The following MARCHF8 variants were observed in gnomAD, a reference collection of about 807,000 sequenced individuals.
The protein encoded by MARCHF8 is membrane associated ring-CH-type finger 8, also known as E3 ubiquitin-protein ligase MARCHF8.
Under a neutral mutation model 51.6 loss-of-function variants are expected in MARCHF8, and 40 were observed. That is an observed-to-expected ratio of 0.77 (90% CI 0.60 to 1.01). The LOEUF is 1.01. MARCHF8 is among the 50% of genes least tolerant of loss of function. The pLI is 0.00. For missense variants in MARCHF8, 685 were observed against 708.6 expected (o/e 0.97, Z 0.38); for synonymous variants, 263 against 280.3 (o/e 0.94, Z 0.62).
chr10:45,485,186 G>C (rs920103117), intron 3 of MARCHF8, among the ~76,000 whole-genome samples: 3 of 152,072 alleles, frequency 2.0e-5, no homozygotes, highest in Non-Finnish European at 4.4e-5. Flanking sequence ...GCAGATTTAG[G>C]GGTAAACAAA....
intron 2 of MARCHF8, among the ~76,000 whole-genome samples, chr10:45,500,352 T>A (rs1461833415): frequency 6.6e-6 from 1 of 152,150 alleles, no homozygotes; most frequent in Non-Finnish European, 1.5e-5. Context: ...TTTAGGGTTT[T>A]CTATATAAAA....
upstream of MARCHF8, among the ~76,000 whole-genome samples, chr10:45,537,683 A>G (rs2043992940): frequency 6.6e-6 from 1 of 151,756 alleles, no homozygotes; most frequent in Non-Finnish European, 1.5e-5. Flanking sequence ...GAAAAAAATT[A>G]TACTAAGAAG....
chr10:45,534,743 G>A (rs1009130249), intron 1 of MARCHF8, among the ~76,000 whole-genome samples: 1 of 152,132 alleles, frequency 6.6e-6, no homozygotes, highest in Non-Finnish European at 1.5e-5. Context: ...GTAAACAACA[G>A]GGCCTGACAA....
At chr10:45,586,129 A>T (rs1461847980) in intron 1 of MARCHF8, among the ~76,000 whole-genome samples, 1 of 152,162 alleles carries the variant, frequency 6.6e-6, no homozygotes, top group African/African-American at 2.4e-5. Flanking sequence ...AAAGTGTATA[A>T]AAAGTGTATA....
upstream of MARCHF8, among the ~76,000 whole-genome samples, chr10:45,536,861 A>ATAATAG (rs1340436758): frequency 1.4e-5 from 2 of 147,482 alleles, no homozygotes; most frequent in Admixed American, 6.8e-5. Context: ...AATAATAATA[A>ATAATAG]TAATAATAAT....
intron 1 of MARCHF8, among the ~76,000 whole-genome samples, chr10:45,543,323 G>A (rs1589164839): frequency 6.6e-6 from 1 of 152,136 alleles, no homozygotes; most frequent in African/African-American, 2.4e-5. Context: ...CTTTTCCTGG[G>A]TGATTTAATC....
rs915922832 is a variant in MARCHF8 at position 45,457,558 on chromosome 10, A to G, written c.*681T>C. The G allele has an allele frequency of 3.3e-5, 5 of 152,642 alleles. No homozygotes were observed. Among genetic ancestry groups the G allele is most frequent in the African/African-American group, 1.2e-4 (5 of 41,444 alleles). The allele number at this position is 152,642 out of a possible 1,614,324, so 9.5% of individuals were successfully genotyped here. A position where few individuals can be genotyped will look rare whatever the true frequency, so the allele number is the denominator to read the frequency against. ...TTTTTGATCTCTCATGATGTAAAGG[A>G]GATACAAAGGTAAGGAAGGGAAGAT... On this transcript the variant is annotated 3_prime_UTR_variant, in exon 8 of 8. Transcript: ENST00000453424.
chr10:45,543,873 A>T (rs1198055087), intron 1 of MARCHF8, among the ~76,000 whole-genome samples: 1 of 151,774 alleles, frequency 6.6e-6, no homozygotes, highest in Admixed American at 6.6e-5. Context: ...ACATAATTTT[A>T]AAATAAGCAA....
Position 45,463,816 on chromosome 10 carries a change from C to T in MARCHF8, c.423G>A (p.Lys141=), listed in dbSNP as rs1589074434. 1.3e-6 allele frequency: 2 copies of T among 1,548,304 alleles called. No individual in the cohort carries two copies. Among genetic ancestry groups the T allele is most frequent in the East Asian group, 2.4e-5 (1 of 40,926 alleles). ...TTCTGGCTTTGGTATTCTTAGCAGG[C>T]TTCAAGGCCTGGGCCCATTCTGAAC... ...SFGSEWAQAL[K]PAKNTKARRT... Residue 141 remains lysine, a synonymous_variant, in exon 5 of 8, where the codon AAG becomes AAA. Coordinates refer to ENST00000453424, the MANE Select transcript of MARCHF8 (RefSeq NM_001282866.2).
intron 1 of MARCHF8, among the ~76,000 whole-genome samples, chr10:45,591,640 T>A (rs1016674429): frequency 6.6e-6 from 1 of 152,136 alleles, no homozygotes; most frequent in African/African-American, 2.4e-5. Flanking sequence ...AATAAACATT[T>A]TTTCAAAGAG....
intron 1 of MARCHF8, among the ~76,000 whole-genome samples, chr10:45,533,616 T>TCAAAAA (rs2043926304): frequency 1.3e-5 from 2 of 152,206 alleles, no homozygotes; most frequent in Non-Finnish European, 2.9e-5. Context: ...AACTTTTTTT[T>TCAAAAA]TTATCATGAC....
At chr10:45,568,735 A>C (rs2044394305) in intron 1 of MARCHF8, among the ~76,000 whole-genome samples, 1 of 150,134 alleles carries the variant, frequency 6.7e-6, no homozygotes, top group Non-Finnish European at 1.5e-5. Flanking sequence ...AAAAAAAAAA[A>C]AAACCACTAA....
intron 1 of MARCHF8, among the ~76,000 whole-genome samples, chr10:45,564,050 T>G (rs952302282): frequency 6.6e-6 from 1 of 152,128 alleles, no homozygotes; most frequent in Non-Finnish European, 1.5e-5. Flanking sequence ...CCGTGGCAGG[T>G]GGATCACCTG....
intron 1 of MARCHF8, among the ~76,000 whole-genome samples, chr10:45,546,532 G>A (rs1014265378): frequency 6.6e-6 from 1 of 151,962 alleles, no homozygotes; most frequent in African/African-American, 2.4e-5. Flanking sequence ...CTGTAATCCT[G>A]GCACTTTAGG....
chr10:45,506,270 A>G (rs762210169), intron 2 of MARCHF8, among the ~76,000 whole-genome samples: 16 of 152,222 alleles, frequency 1.1e-4, no homozygotes, highest in Admixed American at 2.6e-4. Context: ...GACCAGTTTA[A>G]TATTTATGGT....
At chr10:45,562,586 CAG>C (rs2044322481) in intron 1 of MARCHF8, among the ~76,000 whole-genome samples, 1 of 152,098 alleles carries the variant, frequency 6.6e-6, no homozygotes, top group East Asian at 1.9e-4. Context: ...GCTAAAGTAA[CAG>C]AGTTTATGAC....
intron 2 of MARCHF8, among the ~76,000 whole-genome samples, chr10:45,498,557 C>T (rs2043218683): frequency 6.6e-6 from 1 of 151,880 alleles, no homozygotes; most frequent in African/African-American, 2.4e-5. Flanking sequence ...CTCACTGCAA[C>T]CTCTACCTCC....
chr10:45,496,955 A>G (rs2043184717), intron 2 of MARCHF8, among the ~76,000 whole-genome samples: 1 of 152,136 alleles, frequency 6.6e-6, no homozygotes, highest in East Asian at 1.9e-4. Flanking sequence ...AAAAAGTAAA[A>G]TGGCAAACAA....
Position 45,515,574 on chromosome 10 carries a change from T to C in MARCHF8, c.102+17536A>G, listed in dbSNP as rs189353954. Among the ~76,000 whole-genome samples the C allele has an allele frequency of 1.3e-3, 194 of 152,342 alleles. 3 individuals are homozygous for C. The highest frequency in any genetic ancestry group is 0.012 in the Admixed American group (183 of 15,310). ...TAGTTCCTATTATACTATTCCACAG[T>C]AGATAGGAATTCTCTTCCTTTTTTG... On this transcript the variant is annotated intron_variant, in intron 2 of 7. Coordinates refer to ENST00000453424, the MANE Select transcript of MARCHF8 (RefSeq NM_001282866.2).
Sources: allele counts gnomAD v4.1 joint callset (sites outside exome capture counted in the v4.1 genomes callset), GRCh38; gene constraint gnomAD v4.1.1; transcripts MANE v1.5; gene names NCBI Gene and HGNC (gene_info 2026-07-23, HGNC 2026-07-21).